The following DPH6 variants were observed in gnomAD, a reference collection of about 807,000 sequenced individuals.
DPH6 encodes diphthine--ammonia ligase.
Under a neutral mutation model 38.2 loss-of-function variants are expected in DPH6, and 33 were observed. That is an observed-to-expected ratio of 0.86 (90% CI 0.65 to 1.15). The LOEUF is 1.15. Ranked by LOEUF, DPH6 falls within the 50% of genes most tolerant of loss-of-function variation. The pLI is 0.00. For missense variants in DPH6, 325 were observed against 320.0 expected (o/e 1.02, Z -0.12); for synonymous variants, 108 against 103.0 (o/e 1.05, Z -0.30).
rs904984053 is a variant in DPH6 at position 35,506,031 on chromosome 15, C to CA, written c.312+32242dup. Among the ~76,000 whole-genome samples the CA allele has an allele frequency of 8.0e-4, 122 of 152,220 alleles. 1 individual carries two copies. The highest frequency in any genetic ancestry group is 2.7e-3 in the African/African-American group (114 of 41,544). On this transcript the variant is annotated intron_variant, in intron 3 of 8. Coordinates refer to ENST00000256538, the MANE Select transcript of DPH6 (RefSeq NM_080650.4). ...AAAGTTCACACACAGTATGTCAAAT[C>CA]ACTGGCAAGCCCAAGACACAAAAAG...
At chr15:35,166,192 T>C in the DPH6 span, among the ~76,000 whole-genome samples, 1 of 151,956 alleles carries the variant, frequency 6.6e-6, no homozygotes, top group Non-Finnish European at 1.5e-5. Context: ...GTGCCCTCCT[T>C]CTACCCTGAG....
chr15:35,382,420 G>A (rs2052882581), intron 6 of DPH6, among the ~76,000 whole-genome samples: 1 of 151,576 alleles, frequency 6.6e-6, no homozygotes, highest in Non-Finnish European at 1.5e-5. Flanking sequence ...GACAGAGGGA[G>A]ACTCCGTCAA....
chr15:35,448,984 A>AT (rs372406775), intron 5 of DPH6, among the ~76,000 whole-genome samples: 19,673 of 136,502 alleles, frequency 0.14, 1,839 homozygotes, highest in African/African-American at 0.24. Flanking sequence ...TTATTGTCTC[A>AT]TTTTTTTTTT....
intron 3 of DPH6, among the ~76,000 whole-genome samples, chr15:35,260,647 C>T (rs2051740644): frequency 6.6e-6 from 1 of 151,894 alleles, no homozygotes; most frequent in South Asian, 2.1e-4. Flanking sequence ...CACCTCATTT[C>T]AGCACTATTA....
At position 35,372,003 on chromosome 15, in the gene DPH6, C is replaced by T; in HGVS notation, c.*147G>A. 7.3e-7 allele frequency: 1 copy of T among 1,365,658 alleles called. No homozygotes were observed. The highest frequency in any genetic ancestry group is 3.8e-5 in the Admixed American group (1 of 26,610). The allele number at this position is 1,365,658 out of a possible 1,614,324, so 84.6% of individuals were successfully genotyped here. On this transcript the variant is annotated 3_prime_UTR_variant, in exon 9 of 9. Coordinates refer to ENST00000256538, the MANE Select transcript of DPH6 (RefSeq NM_080650.4). ...ACATTTTCCCAATTAATAAATGGTT[C>T]CACTAACCTCTTCTAGTGAAAGTAT... is the stretch of plus-strand genomic sequence containing the variant.
chr15:35,470,967 G>GA (rs1013523377), intron 3 of DPH6, among the ~76,000 whole-genome samples: 4 of 150,062 alleles, frequency 2.7e-5, no homozygotes, highest in East Asian at 1.9e-4. Flanking sequence ...TGAATTATTA[G>GA]AAAAAAAAAT....
At chr15:35,436,439 C>T (rs1353294040) in intron 5 of DPH6, among the ~76,000 whole-genome samples, 1 of 145,476 alleles carries the variant, frequency 6.9e-6, no homozygotes, top group Non-Finnish European at 1.5e-5. Context: ...GCGCTCCAGC[C>T]TGGGAGACAG....
At position 35,371,845 on chromosome 15, in the gene DPH6, TA is replaced by T; in HGVS notation, c.*304del. ...GAAGGAGGAAAAGAAACTAGTGTGA[TA>T]AAAAAAGAAATGCTACAGAAATGGG... On this transcript the variant is annotated 3_prime_UTR_variant, in exon 9 of 9. Coordinates refer to ENST00000256538, the MANE Select transcript of DPH6 (RefSeq NM_080650.4). 1 of 1,047,166 alleles carries T rather than the reference TA, an allele frequency of 9.5e-7. No homozygotes were observed. The highest frequency in any genetic ancestry group is 1.1e-6 in the Non-Finnish European group (1 of 870,346). The allele number at this position is 1,047,166 out of a possible 1,614,324, so 64.9% of individuals were successfully genotyped here. A position where few individuals can be genotyped will look rare whatever the true frequency, so the allele number is the denominator to read the frequency against.
intron 3 of DPH6, among the ~76,000 whole-genome samples, chr15:35,281,184 T>G (rs2051896965): frequency 6.6e-6 from 1 of 151,950 alleles, no homozygotes; most frequent in South Asian, 2.1e-4. Context: ...CAATTCTGAG[T>G]GAACTGTCCT....
intron 3 of DPH6, among the ~76,000 whole-genome samples, chr15:35,461,674 G>C (rs1351507969): frequency 1.3e-5 from 2 of 151,806 alleles, no homozygotes; most frequent in East Asian, 3.9e-4. Flanking sequence ...CTGGAGAGTG[G>C]GAATGGGTGG....
At chr15:35,442,363 G>T (rs1368445398) in intron 5 of DPH6, among the ~76,000 whole-genome samples, 5 of 152,088 alleles carry the variant, frequency 3.3e-5, no homozygotes, top group Admixed American at 2.6e-4. Context: ...CTATAAGAAA[G>T]ACAGAAAATA....
chr15:35,467,041 A>G (rs993293809), intron 3 of DPH6, among the ~76,000 whole-genome samples: 1 of 151,768 alleles, frequency 6.6e-6, no homozygotes, highest in Non-Finnish European at 1.5e-5. Context: ...TAGCTGCACT[A>G]AATTTATAAA....
At chr15:35,335,254 C>A (rs967432478) in intron 3 of DPH6, among the ~76,000 whole-genome samples, 3 of 149,580 alleles carry the variant, frequency 2.0e-5, no homozygotes, top group Non-Finnish European at 4.5e-5. Flanking sequence ...GGGGTTATTT[C>A]CTGTAAATTT....
intron 3 of DPH6, among the ~76,000 whole-genome samples, chr15:35,518,805 G>C (rs1267898553): frequency 6.6e-6 from 1 of 151,890 alleles, no homozygotes; most frequent in African/African-American, 2.4e-5. Flanking sequence ...TCCCACTGTG[G>C]TTTTGGAAAT....
chr15:35,413,358 T>A (rs192477701), intron 5 of DPH6, among the ~76,000 whole-genome samples: 1 of 151,766 alleles, frequency 6.6e-6, no homozygotes. Flanking sequence ...CCATGAACCA[T>A]CAGTTTCTAA....
intron 3 of DPH6, among the ~76,000 whole-genome samples, chr15:35,456,272 G>C (rs1478077532): frequency 1.1e-4 from 17 of 151,366 alleles, no homozygotes; most frequent in Admixed American, 1.1e-3. Context: ...GATCAGAGTT[G>C]CTGAATAATG....
intron 3 of DPH6, among the ~76,000 whole-genome samples, chr15:35,340,036 A>T (rs1373811287): frequency 6.6e-6 from 1 of 152,104 alleles, no homozygotes; most frequent in Non-Finnish European, 1.5e-5. Flanking sequence ...GTCTCTAATA[A>T]ATTGCTTTAT....
At chr15:35,363,756 A>AT (rs1362801695) in intron 3 of DPH6, among the ~76,000 whole-genome samples, 2 of 150,740 alleles carry the variant, frequency 1.3e-5, no homozygotes, top group Non-Finnish European at 3.0e-5. Context: ...TCATTATTCT[A>AT]TTTTTTCGTA....
At chr15:35,381,944 G>C (rs369180853) in intron 6 of DPH6, 28 bp from the exon 7 acceptor site, 1 of 1,552,168 alleles carries the variant, frequency 6.4e-7, no homozygotes, top group Non-Finnish European at 8.8e-7. Context: ...CAAAAAACAA[G>C]AAAGAAGTTT....
Sources: allele counts gnomAD v4.1 joint callset (sites outside exome capture counted in the v4.1 genomes callset), GRCh38; gene constraint gnomAD v4.1.1; transcripts MANE v1.5; gene names NCBI Gene and HGNC (gene_info 2026-07-23, HGNC 2026-07-21).